Variants in SLC38A3 observed in about 807,000 individuals in gnomAD.
SLC38A3 encodes solute carrier family 38 member 3.
In SLC38A3, 17 loss-of-function variants were observed where a neutral mutation model predicts 59.5. The observed-to-expected ratio is 0.29, with a 90% confidence interval of 0.20 to 0.43. The LOEUF (loss-of-function observed/expected upper bound fraction) is 0.43. Ranked by LOEUF, SLC38A3 falls within the 20% of genes least tolerant of loss-of-function variation. SLC38A3 has a pLI of 1.00. For synonymous variants in SLC38A3, 238 were observed against 260.3 expected (o/e 0.91, Z 0.82); for missense variants, 454 against 653.9 (o/e 0.69, Z 3.33).
intron 1 of SLC38A3, among the ~76,000 whole-genome samples, chr3:50,207,079 G>A (rs568063081): frequency 6.6e-6 from 1 of 152,338 alleles, no homozygotes; most frequent in South Asian, 2.1e-4. Context: ...CAAGCATCCA[G>A]TTTGAGAGGG....
chr3:50,208,494 C>T (rs920144380), intron 1 of SLC38A3, among the ~76,000 whole-genome samples: 3 of 152,218 alleles, frequency 2.0e-5, no homozygotes, highest in African/African-American at 7.2e-5. Context: ...AACTCCTGGG[C>T]TCAGGTGATC....
rs750456141 is a variant in SLC38A3, at chr3:50,218,742, A to G, written c.1161+25A>G. Reference sequence around the variant, plus strand: ...GGTGAGCTGGTGGGCAGGTGGCTAGACTAGTGGCGGGAGGGGCTGATGGGG... The same window carrying G: ...GGTGAGCTGGTGGGCAGGTGGCTAGGCTAGTGGCGGGAGGGGCTGATGGGG... On this transcript the variant is annotated intron_variant, in intron 13 of 15. Coordinates refer to ENST00000614032, the MANE Select transcript of SLC38A3 (RefSeq NM_006841.6). This position sits in a 1 kb window ranked among gnomAD's most constrained non-coding sequence, Gnocchi z 5.8. The G allele has an allele frequency of 6.2e-7, 1 of 1,600,760 alleles. No homozygotes were observed. The highest frequency in any genetic ancestry group is 8.6e-7 in the Non-Finnish European group (1 of 1,168,778).
chr3:50,212,344 G>T (rs1163918512), intron 1 of SLC38A3, among the ~76,000 whole-genome samples: 1 of 152,176 alleles, frequency 6.6e-6, no homozygotes, highest in East Asian at 1.9e-4. Flanking sequence ...AGTGCAGGGG[G>T]GACTCTGGAG....
At position 50,214,506 on chromosome 3, in the gene SLC38A3, T is replaced by G; in HGVS notation, c.183+23T>G. ...GACGTGAGCAGGGCAGCAACGGGTT[T>G]TAGGGGACACTGTGGGGAGCTTGGA... On this transcript the variant is annotated intron_variant, in intron 3 of 15. Coordinates refer to ENST00000614032, the MANE Select transcript of SLC38A3 (RefSeq NM_006841.6). This position sits in a 1 kb window ranked among gnomAD's most constrained non-coding sequence, Gnocchi z 6.0. 1 of 1,551,710 alleles carries G rather than the reference T, an allele frequency of 6.4e-7. No homozygotes were observed. Among genetic ancestry groups the G allele is most frequent in the Non-Finnish European group, 8.7e-7 (1 of 1,145,388 alleles).
In SLC38A3 at chr3:50,219,036, C is replaced by CT. The variant is rs587637319; in HGVS notation, c.1306+89dup. On this transcript the variant is annotated intron_variant, in intron 14 of 15. Transcript: ENST00000614032. ...CCTGGCAGATTCCTGAGCTTACACC[C>CT]TACATTAAGTGCAGTGGCCATGTGC... is the stretch of plus-strand genomic sequence containing the variant. The CT allele has an allele frequency of 7.2e-4, 1,089 of 1,504,952 alleles. 13 individuals are homozygous for CT. In the South Asian group the frequency reaches 0.012, roughly 16 times the overall value. The allele number at this position is 1,504,952 out of a possible 1,614,324, so 93.2% of individuals were successfully genotyped here.
intron 14 of SLC38A3, among the ~76,000 whole-genome samples, chr3:50,219,427 C>T (rs587669487): frequency 6.6e-6 from 1 of 152,332 alleles, no homozygotes; most frequent in South Asian, 2.1e-4. Context: ...AGAGGACTAA[C>T]AAACTCTGCC....
At position 50,217,880 on chromosome 3, in the gene SLC38A3, T is replaced by G; in HGVS notation, c.856-37T>G. The G allele has an allele frequency of 6.2e-7, 1 of 1,613,676 alleles. No individual in the cohort carries two copies. The highest frequency in any genetic ancestry group is 1.1e-5 in the South Asian group (1 of 91,072). ...GGGCAAGGCGGGGGCCCAATGAGAG[T>G]GGCAGACTGCCTTGACACAGCCCCG... On this transcript the variant is annotated intron_variant, in intron 10 of 15. Coordinates refer to ENST00000614032, the MANE Select transcript of SLC38A3 (RefSeq NM_006841.6). This position sits in a 1 kb window ranked among gnomAD's most constrained non-coding sequence, Gnocchi z 4.9.
chr3:50,213,688 AG>A (rs1011758523), intron 1 of SLC38A3, among the ~76,000 whole-genome samples: 1 of 152,224 alleles, frequency 6.6e-6, no homozygotes, highest in African/African-American at 2.4e-5. Flanking sequence ...TAGGTTGGGC[AG>A]GAGGCCCCTG....
chr3:50,209,900 G>C (rs1177107794), intron 1 of SLC38A3, among the ~76,000 whole-genome samples: 1 of 152,192 alleles, frequency 6.6e-6, no homozygotes, highest in African/African-American at 2.4e-5. Context: ...TATTAGCCCA[G>C]TGTTGGCCAC....
At position 50,214,292 on chromosome 3, in the gene SLC38A3, C is replaced by A; in HGVS notation, c.93C>A (p.Gly31=). 1 of 1,613,856 alleles carries A rather than the reference C, an allele frequency of 6.2e-7. No individual in the cohort carries two copies. The highest frequency in any genetic ancestry group is 8.5e-7 in the Non-Finnish European group (1 of 1,179,822). Residue 31 remains glycine (G), a synonymous_variant, in exon 2 of 16, where the codon GGC becomes GGA. Transcript: ENST00000614032. The surrounding 1 kb of genome is among the most constrained non-coding windows in gnomAD (Gnocchi z 6.0). Reference sequence around the variant, plus strand: ...TCCCGGTCATCACCCCCATGGCAGGCAACCAGAGGTGAGTACCAGAGGGAC... The same window carrying A: ...TCCCGGTCATCACCCCCATGGCAGGAAACCAGAGGTGAGTACCAGAGGGAC... ...GLLPVITPMA[G]NQRVEDPARS...
chr3:50,215,660 G>A lies in SLC38A3; in HGVS notation c.466+24G>A, dbSNP rs1196110673. ...AGGTAAGAGCAGTGGGCAGGGGCAG[G>A]CAGTAGGGAGGTGGACAGCCCTGAA... On this transcript the variant is annotated intron_variant, in intron 6 of 15. Coordinates refer to ENST00000614032, the MANE Select transcript of SLC38A3 (RefSeq NM_006841.6). The surrounding 1 kb of genome is among the most constrained non-coding windows in gnomAD (Gnocchi z 7.1). 1.2e-5 allele frequency: 20 copies of A among 1,612,638 alleles called. No homozygotes were observed. Among genetic ancestry groups the A allele is most frequent in the Non-Finnish European group, 1.7e-5 (20 of 1,179,174 alleles).
rs766695205 is a variant in SLC38A3 at position 50,217,750 on chromosome 3, C to T, written c.765C>T (p.His255=). ...NFNNTTGNFS[H]VEIVKEKVQL... ...ACAACACCACAGGCAACTTCAGCCA[C>T]GTGGAGATCGTGAAGGAGAAGGTGC... The change falls in exon 10 of 16, where the codon CAC becomes CAT. Residue 255 remains histidine (H), a synonymous_variant. Coordinates refer to ENST00000614032, the MANE Select transcript of SLC38A3 (RefSeq NM_006841.6). The surrounding 1 kb of genome is among the most constrained non-coding windows in gnomAD (Gnocchi z 4.9). The T allele has an allele frequency of 2.0e-5, 33 of 1,613,596 alleles. No homozygotes were observed. Among genetic ancestry groups the T allele is most frequent in the African/African-American group, 1.1e-4 (8 of 74,910 alleles).
intron 15 of SLC38A3, 23 bp from the exon 16 acceptor site, chr3:50,220,050 G>C (rs1235193684): frequency 2.5e-6 from 4 of 1,602,734 alleles, no homozygotes; most frequent in Non-Finnish European, 3.4e-6. Flanking sequence ...CCTCGGACCT[G>C]ACCCTGACTT....
chr3:50,213,329 A>G (rs1190311578), intron 1 of SLC38A3, among the ~76,000 whole-genome samples: 2 of 152,246 alleles, frequency 1.3e-5, no homozygotes, highest in Non-Finnish European at 2.9e-5. Flanking sequence ...CTGGCAGTGG[A>G]GGAGAGGCTT....
chr3:50,213,957 G>C (rs372248371), intron 1 of SLC38A3, among the ~76,000 whole-genome samples, 192 bp from the exon 2 acceptor site: 2 of 152,130 alleles, frequency 1.3e-5, no homozygotes. Flanking sequence ...CCATCAGAAC[G>C]TCCTAGGAAC....
chr3:50,217,376 A>G lies in SLC38A3; in HGVS notation c.632-39A>G. ...GGATGTTGGAGGCATACACCATGGG[A>G]GGGGCCCCAGGTCTCAGAGTGCTCC... is the stretch of plus-strand genomic sequence containing the variant. On this transcript the variant is annotated intron_variant, in intron 8 of 15. Coordinates refer to ENST00000614032, the MANE Select transcript of SLC38A3 (RefSeq NM_006841.6). This position sits in a 1 kb window ranked among gnomAD's most constrained non-coding sequence, Gnocchi z 4.9. The G allele has an allele frequency of 1.9e-6, 3 of 1,606,768 alleles. No individual in the cohort carries two copies. Among genetic ancestry groups the G allele is most frequent in the Non-Finnish European group, 2.6e-6 (3 of 1,174,298 alleles).
At chr3:50,210,135 C>A (rs2109150417) in intron 1 of SLC38A3, among the ~76,000 whole-genome samples, 1 of 152,276 alleles carries the variant, frequency 6.6e-6, no homozygotes, top group South Asian at 2.1e-4. Flanking sequence ...CTTACTAACA[C>A]CTTCTCCTAG....
At position 50,220,044 on chromosome 3, in the gene SLC38A3, G is replaced by A. The variant is rs587718917; in HGVS notation, c.1411-29G>A. On this transcript the variant is annotated intron_variant, in intron 15 of 15. Transcript: ENST00000614032. ...GGGCTAAGGGAACTGCCCTGACCTC[G>A]GACCTGACCCTGACTTCTGATTCCA... is the stretch of plus-strand genomic sequence containing the variant. The A allele has an allele frequency of 6.9e-4, 1,106 of 1,601,722 alleles. 11 individuals carry two copies. The South Asian group carries it at 0.011, about 16-fold the overall frequency.
At chr3:50,207,085 G>C (rs1699657377) in intron 1 of SLC38A3, among the ~76,000 whole-genome samples, 1 of 152,236 alleles carries the variant, frequency 6.6e-6, no homozygotes, top group African/African-American at 2.4e-5. Context: ...TCCAGTTTGA[G>C]AGGGAAACAT....
Sources: allele counts gnomAD v4.1 joint callset (sites outside exome capture counted in the v4.1 genomes callset), GRCh38; gene constraint gnomAD v4.1.1; non-coding constraint Gnocchi (gnomAD v3.1); transcripts MANE v1.5; gene names NCBI Gene and HGNC (gene_info 2026-07-23, HGNC 2026-07-21).